The following MAP4 variants were observed in gnomAD, a reference collection of about 807,000 sequenced individuals.
MAP4 encodes microtubule associated protein 4.
In MAP4, 76 loss-of-function variants were observed where a neutral mutation model predicts 170.2. The observed-to-expected ratio is 0.45, with a 90% CI of 0.37 to 0.54. The LOEUF is 0.54. Among genes scored for constraint, MAP4 ranks in the 20% least tolerant of loss-of-function variants. The probability of loss-of-function intolerance (pLI) is 0.00; values close to 1 mark genes in which losing one functional copy is unlikely to be tolerated. For synonymous variants in MAP4, 909 were observed against 994.5 expected, an observed-to-expected ratio of 0.91 and a Z score of 1.62; for missense variants, 2,506 against 2,748.0, an observed-to-expected ratio of 0.91 and a Z score of 1.97.
intron 1 of MAP4, among the ~76,000 whole-genome samples, chr3:48,074,556 C>T (rs1376523928): frequency 6.8e-6 from 1 of 146,204 alleles, no homozygotes; most frequent in Non-Finnish European, 1.5e-5. Flanking sequence ...CTCTGTTGCC[C>T]ATGCTGGATT....
chr3:48,027,469 A>G (rs1407394386), intron 1 of MAP4, among the ~76,000 whole-genome samples: 1 of 152,214 alleles, frequency 6.6e-6, no homozygotes, highest in African/African-American at 2.4e-5. Flanking sequence ...CCCTTGGTGC[A>G]GTGGCCCATA....
intron 10 of MAP4, among the ~76,000 whole-genome samples, chr3:47,900,614 T>C (rs2100029491): frequency 6.6e-6 from 1 of 152,078 alleles, no homozygotes; most frequent in African/African-American, 2.4e-5. Flanking sequence ...TGTGCACCTG[T>C]AGTCCCAGCT....
intron 1 of MAP4, among the ~76,000 whole-genome samples, chr3:47,999,845 T>A (rs1383891852): frequency 6.8e-6 from 1 of 147,930 alleles, no homozygotes; most frequent in African/African-American, 2.5e-5. Flanking sequence ...AAATAAAGTT[T>A]AAAAAAAAAA....
At position 47,910,018 on chromosome 3, in the gene MAP4, A is replaced by C. The variant is rs2100035163; in HGVS notation, c.4403T>G (p.Ile1468Arg). 1 of 1,613,986 alleles carries C rather than the reference A, an allele frequency of 6.2e-7. No individual in the cohort carries two copies. The highest frequency in any genetic ancestry group is 8.5e-7 in the Non-Finnish European group (1 of 1,179,880). ...PDTLAKNGQE[I>R]APAQISKSLM... ...TGATTTGGAAATCTGGGCTGGGGCT[A>C]TCTCTTGCCCATTTTTTGCCAAGGT... Residue 1468 changes from isoleucine to arginine, a missense_variant, in exon 9 of 21, where the codon ATA becomes AGA. This residue lies in a region of MAP4 where 2,008 missense variants were observed against 2,206.0 expected (regional missense o/e 0.91). Coordinates refer to ENST00000683076, the MANE Select transcript of MAP4 (RefSeq NM_001385682.1).
chr3:47,957,013 G>A (rs1373965153), intron 3 of MAP4, among the ~76,000 whole-genome samples: 1 of 152,194 alleles, frequency 6.6e-6, no homozygotes, highest in Non-Finnish European at 1.5e-5. Flanking sequence ...GGGGAATAAG[G>A]GCAGGGGTGA....
intron 17 of MAP4, among the ~76,000 whole-genome samples, chr3:47,858,877 C>T (rs1353846854): frequency 6.6e-6 from 1 of 151,992 alleles, no homozygotes; most frequent in East Asian, 1.9e-4. Flanking sequence ...GCCTGTAATC[C>T]CAGCACTTTG....
At chr3:48,020,879 G>A (rs1027343940), upstream of MAP4, among the ~76,000 whole-genome samples, 2 of 151,650 alleles carry the variant, frequency 1.3e-5, no homozygotes, top group African/African-American at 4.8e-5. Context: ...GTACACTACA[G>A]CTTCAAGCTC....
At chr3:48,052,252 C>T (rs1027818288) in intron 1 of MAP4, among the ~76,000 whole-genome samples, 2 of 152,106 alleles carry the variant, frequency 1.3e-5, no homozygotes, top group African/African-American at 4.8e-5. Context: ...GACAGAGTCT[C>T]GCTCTGTCGC....
At chr3:47,982,967 G>C (rs993713337) in intron 2 of MAP4, among the ~76,000 whole-genome samples, 1 of 151,656 alleles carries the variant, frequency 6.6e-6, no homozygotes, top group Non-Finnish European at 1.5e-5. Context: ...GCGCAATCTT[G>C]GCTCACTGCA....
chr3:47,926,994 G>T (rs545185857), intron 4 of MAP4, among the ~76,000 whole-genome samples: 4 of 151,912 alleles, frequency 2.6e-5, no homozygotes, highest in Non-Finnish European at 5.9e-5. Flanking sequence ...GTGAAACCTG[G>T]TCTCTACTAA....
At chr3:48,043,959 C>T (rs1368468748) in intron 1 of MAP4, among the ~76,000 whole-genome samples, 2 of 152,134 alleles carry the variant, frequency 1.3e-5, no homozygotes, top group East Asian at 3.9e-4. Context: ...GATTCTCCTG[C>T]CTCAGCCTCC....
intron 1 of MAP4, among the ~76,000 whole-genome samples, chr3:48,039,812 G>A (rs1420677141): frequency 6.6e-6 from 1 of 152,198 alleles, no homozygotes; most frequent in Non-Finnish European, 1.5e-5. Context: ...CAAAGTATCT[G>A]CAAGAGGATT....
At chr3:47,955,351 A>G (rs1003905564) in intron 3 of MAP4, among the ~76,000 whole-genome samples, 6 of 151,930 alleles carry the variant, frequency 3.9e-5, no homozygotes, top group Non-Finnish European at 7.4e-5. Context: ...ATCTAGCCTC[A>G]GGGCTATGCC....
chr3:47,870,896 T>C lies in MAP4; in HGVS notation c.6211A>G (p.Asn2071Asp), dbSNP rs1318596212. Residue 2071 changes from asparagine to aspartate, a missense_variant, in exon 15 of 21, where the codon AAT (asparagine) becomes GAT (aspartate). Physicochemically the swap from Asn to Asp is conservative, Grantham distance 23 (BLOSUM62 1). Transcript: ENST00000683076. ...TTPRLSRLAT[N>D]TSAPDLKNVR... ...TTCTTCAGATCAGGAGCAGAAGTAT[T>C]GGTGGCCAGGCGGCTGAGCCGGGGG... 6.2e-7 allele frequency: 1 copy of C among 1,613,558 alleles called. No individual in the cohort carries two copies. The highest frequency in any genetic ancestry group is 1.3e-5 in the African/African-American group (1 of 74,914).
At chr3:47,998,174 C>T (rs569193627) in intron 2 of MAP4, among the ~76,000 whole-genome samples, 14 of 152,274 alleles carry the variant, frequency 9.2e-5, no homozygotes, top group African/African-American at 3.1e-4. Context: ...TACAAAAATA[C>T]TCAGCCAATT....
intron 19 of MAP4, among the ~76,000 whole-genome samples, chr3:47,854,427 C>T (rs1239789282): frequency 6.6e-6 from 1 of 152,156 alleles, no homozygotes; most frequent in Non-Finnish European, 1.5e-5. Flanking sequence ...CAGTGGCTGG[C>T]ACTGGGGAGC....
At chr3:47,963,307 A>G (rs1485846831) in intron 3 of MAP4, among the ~76,000 whole-genome samples, 2 of 152,364 alleles carry the variant, frequency 1.3e-5, no homozygotes, top group African/African-American at 4.8e-5. Context: ...TCATCATTCT[A>G]ATATCATCTT....
Position 47,855,041 on chromosome 3 carries a change from T to TG in MAP4, c.6696+206dup. 1.8e-6 allele frequency: 1 copy of TG among 549,498 alleles called. No individual in the cohort carries two copies. The highest frequency in any genetic ancestry group is 3.3e-6 in the Non-Finnish European group (1 of 304,468). 34.0% of individuals were successfully genotyped at this position (549,498 alleles called of 1,614,324 possible). On this transcript the variant is annotated intron_variant, in intron 19 of 20. Transcript: ENST00000683076. The surrounding 1 kb of genome is among the most constrained non-coding windows in gnomAD (Gnocchi z 5.1). ...CAAGGTTCTGCCTCCAGCTGACAGG[T>TG]GAGGGGTGGCTGGGCTGGGGCCTCT...
At chr3:48,043,840 C>T (rs2100122926) in intron 1 of MAP4, among the ~76,000 whole-genome samples, 1 of 152,056 alleles carries the variant, frequency 6.6e-6, no homozygotes, top group Non-Finnish European at 1.5e-5. Context: ...TGCAATTGCT[C>T]TGTAATCTTT....
Sources: gnomAD v4.1 joint callset for allele counts (sites outside exome capture counted in the v4.1 genomes callset) on GRCh38, gnomAD v4.1.1 for gene constraint, gnomAD v4.1.1 regional missense constraint, Gnocchi (gnomAD v3.1) non-coding constraint, MANE v1.5 for transcripts, NCBI Gene and HGNC (gene_info 2026-07-23, HGNC 2026-07-21) for gene names.